MAD1L1: variants seen among roughly 807,000 people sequenced by gnomAD.
The protein encoded by MAD1L1 is mitotic spindle assembly checkpoint protein MAD1.
MAD1L1 carries 95 observed loss-of-function variants against 96.9 expected under a neutral mutation model. The observed-to-expected ratio is 0.98, with a 90% CI of 0.83 to 1.16. The LOEUF is 1.16. Ranked by LOEUF, MAD1L1 falls within the 50% of genes most tolerant of loss-of-function variation. MAD1L1 has a pLI of 0.00. For synonymous variants in MAD1L1, 473 were observed against 396.6 expected (o/e 1.19, Z -2.29); for missense variants, 1,007 against 954.4 (o/e 1.06, Z -0.73).
At chr7:2,139,564 C>G (rs1788923993) in intron 11 of MAD1L1, among the ~76,000 whole-genome samples, 2 of 152,210 alleles carry the variant, frequency 1.3e-5, no homozygotes, top group Admixed American at 1.3e-4. Context: ...GAGAAGCTGC[C>G]AGGGGCTGGG....
At chr7:1,952,275 A>C (rs1047178168) in intron 16 of MAD1L1, among the ~76,000 whole-genome samples, 5 of 152,186 alleles carry the variant, frequency 3.3e-5, no homozygotes, top group Non-Finnish European at 5.9e-5. Context: ...CCATCATAGA[A>C]AACACGATGC....
At chr7:2,200,742 G>A (rs569446719) in intron 10 of MAD1L1, among the ~76,000 whole-genome samples, 18 of 152,288 alleles carry the variant, frequency 1.2e-4, no homozygotes, top group Admixed American at 7.2e-4. Context: ...CACGAGGACC[G>A]CCTGCTTCAT....
intron 17 of MAD1L1, among the ~76,000 whole-genome samples, chr7:1,917,629 CAGAA>C (rs1390450676): frequency 2.6e-5 from 4 of 152,212 alleles, no homozygotes; most frequent in Non-Finnish European, 1.5e-5. Flanking sequence ...ACAGACGTGC[CAGAA>C]AGAAAGAGGA....
chr7:2,071,263 C>T (rs2128530765), intron 11 of MAD1L1, among the ~76,000 whole-genome samples: 1 of 152,342 alleles, frequency 6.6e-6, no homozygotes, highest in South Asian at 2.1e-4. Flanking sequence ...GAATCCAACA[C>T]TCACAGAACG....
At chr7:1,980,857 C>T (rs1199337094) in intron 14 of MAD1L1, 2 of 463,272 alleles carry the variant, frequency 4.3e-6, no homozygotes, top group Non-Finnish European at 8.4e-6. Context: ...GAGCACGCTC[C>T]AACGCTGCCG....
chr7:1,972,086 C>T (rs1780429561), intron 15 of MAD1L1, among the ~76,000 whole-genome samples: 1 of 152,292 alleles, frequency 6.6e-6, no homozygotes, highest in South Asian at 2.1e-4. Context: ...GCTCGCCTGC[C>T]GCCAGCTCAC....
At chr7:1,964,908 G>C (rs1417089108) in intron 15 of MAD1L1, among the ~76,000 whole-genome samples, 1 of 152,218 alleles carries the variant, frequency 6.6e-6, no homozygotes, top group African/African-American at 2.4e-5. Flanking sequence ...GGACAGTAGG[G>C]AGACCCGAGG....
intron 18 of MAD1L1, among the ~76,000 whole-genome samples, chr7:1,887,358 T>C (rs1786116287): frequency 6.6e-6 from 1 of 151,160 alleles, no homozygotes; most frequent in Admixed American, 6.6e-5. Context: ...TGAGCATGCA[T>C]GTGTGTGGGT....
chr7:1,897,864 A>C (rs10257349), intron 18 of MAD1L1, among the ~76,000 whole-genome samples: 3 of 152,076 alleles, frequency 2.0e-5, no homozygotes, highest in African/African-American at 7.2e-5. Context: ...CCCAGGCACC[A>C]CTGCCTCTGG....
intron 10 of MAD1L1, among the ~76,000 whole-genome samples, chr7:2,160,186 G>A (rs1225499067): frequency 1.3e-5 from 2 of 151,056 alleles, no homozygotes; most frequent in Non-Finnish European, 2.9e-5. Context: ...AGCTATGATC[G>A]CGCACGGCAC....
At chr7:1,854,094 A>G (rs1245485478) in intron 18 of MAD1L1, among the ~76,000 whole-genome samples, 1 of 152,014 alleles carries the variant, frequency 6.6e-6, no homozygotes, top group African/African-American at 2.4e-5. Flanking sequence ...TATCCACCCC[A>G]TCCAGGCGTG....
chr7:2,190,572 T>G (rs1791670568), intron 10 of MAD1L1, among the ~76,000 whole-genome samples: 1 of 152,136 alleles, frequency 6.6e-6, no homozygotes, highest in Non-Finnish European at 1.5e-5. Flanking sequence ...GACAAAAGAC[T>G]CTGTCATGAA....
intron 11 of MAD1L1, among the ~76,000 whole-genome samples, chr7:2,116,358 A>G (rs1284507272): frequency 6.6e-6 from 1 of 152,230 alleles, no homozygotes; most frequent in Non-Finnish European, 1.5e-5. Context: ...TGCACACAGC[A>G]GGTGTTGAAC....
chr7:1,897,219 G>A (rs894921598), intron 18 of MAD1L1, among the ~76,000 whole-genome samples: 5 of 89,060 alleles, frequency 5.6e-5, no homozygotes, highest in African/African-American at 3.2e-4. Context: ...ACGGACATGC[G>A]TAGGCCGCAC....
chr7:1,922,916 C>T (rs1349595973), intron 17 of MAD1L1, among the ~76,000 whole-genome samples: 1 of 152,210 alleles, frequency 6.6e-6, no homozygotes, highest in Non-Finnish European at 1.5e-5. Context: ...TGGATTGTAC[C>T]AGCTGACGCT....
At chr7:1,832,324 T>G (rs1262662751) in intron 18 of MAD1L1, among the ~76,000 whole-genome samples, 1 of 152,164 alleles carries the variant, frequency 6.6e-6, no homozygotes, top group Admixed American at 6.5e-5. Flanking sequence ...ACTAAACTGC[T>G]GCAATCTCAT....
At chr7:1,942,692 C>A (rs981023592) in intron 16 of MAD1L1, among the ~76,000 whole-genome samples, 1 of 152,150 alleles carries the variant, frequency 6.6e-6, no homozygotes, top group Non-Finnish European at 1.5e-5. Context: ...GAAGACCCGG[C>A]GCTGTCGGGA....
At chr7:2,099,723 G>GC (rs1300789399) in intron 11 of MAD1L1, among the ~76,000 whole-genome samples, 1 of 152,206 alleles carries the variant, frequency 6.6e-6, no homozygotes. Flanking sequence ...GACCCAGGAA[G>GC]CACCCGGGCC....
intron 3 of MAD1L1, among the ~76,000 whole-genome samples, chr7:2,227,103 G>A (rs1193884174): frequency 6.6e-6 from 1 of 152,036 alleles, no homozygotes; most frequent in Non-Finnish European, 1.5e-5. Flanking sequence ...AGACCAGCCT[G>A]GCCAACATGG....
Sources: allele counts gnomAD v4.1 joint callset (sites outside exome capture counted in the v4.1 genomes callset), GRCh38; gene constraint gnomAD v4.1.1; transcripts MANE v1.5; gene names NCBI Gene and HGNC (gene_info 2026-07-23, HGNC 2026-07-21).